DGKB: variants seen among roughly 807,000 people sequenced by gnomAD.
DGKB encodes diacylglycerol kinase beta.
A neutral mutation model predicts 114.3 loss-of-function variants in DGKB; 67 were observed. That is an observed-to-expected ratio of 0.59 (90% confidence interval 0.48 to 0.72). DGKB has a LOEUF of 0.72. Among genes scored for constraint, DGKB ranks in the 30% least tolerant of loss-of-function variants. The probability of loss-of-function intolerance (pLI) is 0.00; values close to 1 mark genes in which losing one functional copy is unlikely to be tolerated. For missense variants in DGKB, 907 were observed against 975.2 expected, an observed-to-expected ratio of 0.93 and a Z score of 0.93; for synonymous variants, 398 against 323.1, an observed-to-expected ratio of 1.23 and a Z score of -2.49.
intron 21 of DGKB, among the ~76,000 whole-genome samples, chr7:14,387,921 C>A (rs1453547541): frequency 1.3e-5 from 2 of 150,070 alleles, no homozygotes; most frequent in Non-Finnish European, 3.0e-5. Context: ...ACTCTGTCAC[C>A]CAGGCTAGAG....
chr7:14,654,701 T>C (rs961289278), intron 13 of DGKB, among the ~76,000 whole-genome samples: 4 of 151,868 alleles, frequency 2.6e-5, no homozygotes, highest in Admixed American at 6.6e-5. Flanking sequence ...TAGAACAGTA[T>C]AGAGAACACT....
chr7:14,277,595 C>A (rs1799220779), intron 23 of DGKB, among the ~76,000 whole-genome samples: 1 of 152,170 alleles, frequency 6.6e-6, no homozygotes, highest in African/African-American at 2.4e-5. Flanking sequence ...CTAATGTCAG[C>A]GTTTCCCTCT....
At chr7:14,430,710 C>A (rs144329868) in intron 21 of DGKB, among the ~76,000 whole-genome samples, 1 of 152,120 alleles carries the variant, frequency 6.6e-6, no homozygotes, top group Non-Finnish European at 1.5e-5. Flanking sequence ...GGCCAACTGT[C>A]CAAGTGAATT....
At chr7:14,603,858 A>G (rs902517169) in intron 17 of DGKB, among the ~76,000 whole-genome samples, 1 of 152,138 alleles carries the variant, frequency 6.6e-6, no homozygotes, top group Non-Finnish European at 1.5e-5. Flanking sequence ...AAATAATGTG[A>G]GAATAAACCA....
At chr7:14,838,752 G>A (rs563020445) in intron 2 of DGKB, among the ~76,000 whole-genome samples, 2 of 152,112 alleles carry the variant, frequency 1.3e-5, no homozygotes, top group South Asian at 4.2e-4. Context: ...TAAACTTCTC[G>A]AAGCATAACA....
intron 12 of DGKB, among the ~76,000 whole-genome samples, chr7:14,676,284 G>A (rs1271920594): frequency 6.6e-6 from 1 of 152,004 alleles, no homozygotes; most frequent in East Asian, 1.9e-4. Flanking sequence ...GGATATAAAT[G>A]CCTTTCTGTA....
At chr7:14,377,989 A>G (rs948878407) in intron 21 of DGKB, among the ~76,000 whole-genome samples, 2 of 152,130 alleles carry the variant, frequency 1.3e-5, no homozygotes, top group African/African-American at 2.4e-5. Context: ...TAGGTTCAGA[A>G]TTTTCTGGAT....
At chr7:14,192,123 G>A in intron 23 of DGKB, 2 of 339,224 alleles carry the variant, frequency 5.9e-6, no homozygotes, top group East Asian at 8.2e-5. Flanking sequence ...CACCAGAGTT[G>A]GTGAGGAAGA....
At chr7:14,180,159 G>T (rs757378996) in intron 23 of DGKB, among the ~76,000 whole-genome samples, 6 of 150,908 alleles carry the variant, frequency 4.0e-5, no homozygotes, top group Non-Finnish European at 8.8e-5. Flanking sequence ...ACTGGAGTTC[G>T]CATTTAGTAT....
chr7:14,883,420 C>T (rs533939815), intron 1 of DGKB, among the ~76,000 whole-genome samples: 148 of 151,938 alleles, frequency 9.7e-4, no homozygotes, highest in African/African-American at 3.4e-3. Flanking sequence ...GAAACACAAA[C>T]AAATGCACAT....
intron 23 of DGKB, among the ~76,000 whole-genome samples, chr7:14,276,430 C>T (rs1799002938): frequency 6.6e-6 from 1 of 152,058 alleles, no homozygotes; most frequent in Non-Finnish European, 1.5e-5. Flanking sequence ...TGATAGAATA[C>T]TGTAATGCCA....
At chr7:14,406,614 A>G (rs6952497) in intron 21 of DGKB, among the ~76,000 whole-genome samples, 4,279 of 152,110 alleles carry the variant, frequency 0.028, 221 homozygotes, top group African/African-American at 0.098. Flanking sequence ...TTAAAAAAAC[A>G]TGCTCTTAGG....
chr7:14,690,864 T>C (rs956803449), intron 9 of DGKB, among the ~76,000 whole-genome samples: 2 of 152,176 alleles, frequency 1.3e-5, no homozygotes, highest in South Asian at 4.2e-4. Flanking sequence ...TGAATAAGTC[T>C]CAGGTATAAA....
Position 14,315,494 on chromosome 7 carries a change from T to C in DGKB, c.2122+23021A>G, listed in dbSNP as rs901852035. 4.7e-3 allele frequency among the ~76,000 whole-genome samples: 706 copies of C among 151,516 alleles called. 7 individuals are homozygous for C. The highest frequency in any genetic ancestry group is 0.016 in the African/African-American group (674 of 40,984). ...CAGGGGTTGCAATCCTAGTCTCTGA[T>C]AAAACAGACTTGAAACCAACAAAGA... On this transcript the variant is annotated intron_variant, in intron 23 of 25. Transcript: ENST00000402815.
In DGKB at chr7:14,412,884, G is replaced by C. The variant is rs112017968; in HGVS notation, c.1835+65277C>G. Among the ~76,000 whole-genome samples, 199 of 151,990 alleles carry C rather than the reference G, an allele frequency of 1.3e-3. 3 individuals carry two copies. The highest frequency in any genetic ancestry group is 4.7e-3 in the African/African-American group (193 of 41,452). ...TAATCCCAGCTACTCAGGAGGCTGA[G>C]ACAGGAGAATCGCTTGAACCCAGGA... On this transcript the variant is annotated intron_variant, in intron 21 of 25. Coordinates refer to ENST00000402815, the MANE Select transcript of DGKB (RefSeq NM_001350709.2).
chr7:14,754,007 A>T lies in DGKB; in HGVS notation c.148-59T>A, dbSNP rs189094323. The T allele has an allele frequency of 2.4e-4, 267 of 1,125,364 alleles. No individual in the cohort carries two copies. The African/African-American group carries it at 3.7e-3, about 16-fold the overall frequency. 69.7% of individuals were successfully genotyped at this position (1,125,364 alleles called of 1,614,324 possible). A position where few individuals can be genotyped will look rare whatever the true frequency, so the allele number is the denominator to read the frequency against. Reference sequence around the variant, plus strand: ...TAATGTAAGATACTTTATACTCATTATCTCATATCTCTGATTATTTAGCTA... The same window carrying T: ...TAATGTAAGATACTTTATACTCATTTTCTCATATCTCTGATTATTTAGCTA... On this transcript the variant is annotated intron_variant, in intron 3 of 25. Coordinates refer to ENST00000402815, the MANE Select transcript of DGKB (RefSeq NM_001350709.2).
At chr7:14,419,484 T>C (rs959980752) in intron 21 of DGKB, among the ~76,000 whole-genome samples, 7 of 151,980 alleles carry the variant, frequency 4.6e-5, no homozygotes, top group African/African-American at 1.7e-4. Context: ...AAGGAAATTA[T>C]GATTATCTAT....
chr7:14,677,278 T>C (rs934210450), intron 12 of DGKB, among the ~76,000 whole-genome samples: 7 of 151,824 alleles, frequency 4.6e-5, no homozygotes, highest in African/African-American at 1.5e-4. Context: ...GGAAAATAAG[T>C]GTTCATAGGA....
At chr7:14,331,710 GA>G (rs1016032093) in intron 23 of DGKB, among the ~76,000 whole-genome samples, 18 of 152,136 alleles carry the variant, frequency 1.2e-4, no homozygotes, top group Admixed American at 2.0e-4. Flanking sequence ...ATGGGAGCTA[GA>G]AATCATATTT....
Sources: gnomAD v4.1 joint callset for allele counts (sites outside exome capture counted in the v4.1 genomes callset) on GRCh38, gnomAD v4.1.1 for gene constraint, MANE v1.5 for transcripts, NCBI Gene and HGNC (gene_info 2026-07-23, HGNC 2026-07-21) for gene names.